TBX4: variants seen among roughly 807,000 people sequenced by gnomAD.
TBX4 encodes T-box transcription factor TBX4.
TBX4 carries 13 observed loss-of-function variants against 54.6 expected under a neutral mutation model. That is an observed-to-expected ratio of 0.24 (90% CI 0.15 to 0.38). The LOEUF (loss-of-function observed/expected upper bound fraction) is 0.38, where lower values mean the gene tolerates loss of function less well. TBX4 is among the 10% of genes least tolerant of loss of function. The pLI, the probability that TBX4 is intolerant of heterozygous loss-of-function variation, is 1.00. For synonymous variants in TBX4, 314 were observed against 306.7 expected, an observed-to-expected ratio of 1.02 and a Z score of -0.25; for missense variants, 631 against 728.5, an observed-to-expected ratio of 0.87 and a Z score of 1.54.
In TBX4 at chr17:61,465,031, A is replaced by G. The variant is rs932889141; in HGVS notation, c.282-788A>G. ...GTAATGTTATCCTCATTTTAGAGAT[A>G]AGGAAACCAAGGCACAGAGAGGTTC... is the stretch of plus-strand genomic sequence containing the variant. On this transcript the variant is annotated intron_variant, in intron 3 of 8. Transcript: ENST00000644296. The surrounding 1 kb of genome is among the most constrained non-coding windows in gnomAD (Gnocchi z 4.9). Among the ~76,000 whole-genome samples, 4 of 152,168 alleles carry G rather than the reference A, an allele frequency of 2.6e-5. No individual in the cohort carries two copies. The highest frequency in any genetic ancestry group is 7.2e-5 in the African/African-American group (3 of 41,430).
chr17:61,458,536 T>C (rs2143799385), intron 3 of TBX4, among the ~76,000 whole-genome samples: 1 of 152,112 alleles, frequency 6.6e-6, no homozygotes, highest in East Asian at 1.9e-4. Flanking sequence ...AATTGGGATT[T>C]TGAAGGAATA....
In TBX4 at chr17:61,478,546, C is replaced by A; in HGVS notation, c.550-81C>A. On this transcript the variant is annotated intron_variant, in intron 5 of 8. Transcript: ENST00000644296. The surrounding 1 kb of genome is among the most constrained non-coding windows in gnomAD (Gnocchi z 7.4). The stretch of plus-strand genomic sequence containing the variant: ...TTTGAGGAGAATGAGAAAAACCAGG[C>A]CAGGGCCAGAAGAATGAGGTCAAGG... The A allele has an allele frequency of 6.3e-7, 1 of 1,592,222 alleles. No individual in the cohort carries two copies. Among genetic ancestry groups the A allele is most frequent in the Non-Finnish European group, 8.6e-7 (1 of 1,160,782 alleles).
chr17:61,459,238 T>A lies in TBX4; in HGVS notation c.281+1607T>A, dbSNP rs933866805. Among the ~76,000 whole-genome samples the A allele has an allele frequency of 1.4e-4, 22 of 151,900 alleles. No individual in the cohort carries two copies. Among genetic ancestry groups the A allele is most frequent in the African/African-American group, 4.1e-4 (17 of 41,488 alleles). On this transcript the variant is annotated intron_variant, in intron 3 of 8. Transcript: ENST00000644296. The surrounding 1 kb of genome is among the most constrained non-coding windows in gnomAD (Gnocchi z 4.8). Reference sequence around the variant, plus strand: ...CTGAGTGTACTTGGGCAAGTCACAGTCTCCTTGTAGCTCAGTGGTGTCAGG... The same window carrying A: ...CTGAGTGTACTTGGGCAAGTCACAGACTCCTTGTAGCTCAGTGGTGTCAGG...
rs2060460713 is a variant in TBX4, at chr17:61,457,465, T to C, written c.187-72T>C. ...GTTCCGCACAGCTCTTCGGGTCTGGTTCTTCTTTCCTCAGGCTCCGCGTGG... is the reference window on the plus strand; with the variant it reads ...GTTCCGCACAGCTCTTCGGGTCTGGCTCTTCTTTCCTCAGGCTCCGCGTGG... On this transcript the variant is annotated intron_variant, in intron 2 of 8. Transcript: ENST00000644296. The surrounding 1 kb of genome is among the most constrained non-coding windows in gnomAD (Gnocchi z 8.2). 1.4e-6 allele frequency: 2 copies of C among 1,463,836 alleles called. No homozygotes were observed. The highest frequency in any genetic ancestry group is 3.4e-5 in the Admixed American group (2 of 59,696). The allele number at this position is 1,463,836 out of a possible 1,614,324, so 90.7% of individuals were successfully genotyped here.
Position 61,474,886 on chromosome 17 carries a change from G to A in TBX4, c.550-3741G>A, listed in dbSNP as rs997758141. Among the ~76,000 whole-genome samples the A allele has an allele frequency of 6.6e-6, 1 of 152,200 alleles. No homozygotes were observed. The highest frequency in any genetic ancestry group is 1.5e-5 in the Non-Finnish European group (1 of 68,036). ...AGTTTATACTTGTCTTGGCTCAATG[G>A]GTGGGACTTTCTTCCAGATACCTGT... On this transcript the variant is annotated intron_variant, in intron 5 of 8. Coordinates refer to ENST00000644296, the MANE Select transcript of TBX4 (RefSeq NM_001321120.2). The surrounding 1 kb of genome is among the most constrained non-coding windows in gnomAD (Gnocchi z 4.6).
chr17:61,458,916 TG>T (rs76157694), intron 3 of TBX4, among the ~76,000 whole-genome samples: 31,518 of 152,256 alleles, frequency 0.21, 3,802 homozygotes, highest in East Asian at 0.32. Context: ...GTGCAGCGTA[TG>T]GGGTGCTGTG....
In TBX4 at chr17:61,456,815, G is replaced by A. The variant is rs142583327; in HGVS notation, c.186+139G>A. The A allele has an allele frequency of 1.8e-3, 1,065 of 603,028 alleles. 16 individuals carry two copies. The Admixed American group carries it at 0.027, about 15-fold the overall frequency. The allele number at this position is 603,028 out of a possible 1,614,324, so 37.4% of individuals were successfully genotyped here. On this transcript the variant is annotated intron_variant, in intron 2 of 8. Transcript: ENST00000644296. ...TGCATTCAGGACGGTCTGCCCGTTCGTTCTCCACTGGACATGGCTCGCTTT... is the reference window on the plus strand; with the variant it reads ...TGCATTCAGGACGGTCTGCCCGTTCATTCTCCACTGGACATGGCTCGCTTT...
chr17:61,483,309 C>T lies in TBX4; in HGVS notation c.1434C>T (p.Leu478=), dbSNP rs2060679062. ...GNAHFSVYNQ[L]SQSQVRERGP... ...CCCACTTTAGTGTCTACAATCAGCT[C>T]TCCCAGTCTCAGGTCCGAGAGCGGG... Residue 478 remains leucine, a synonymous_variant, in exon 9 of 9, where the codon CTC becomes CTT. Coordinates refer to ENST00000644296, the MANE Select transcript of TBX4 (RefSeq NM_001321120.2). This position sits in a 1 kb window ranked among gnomAD's most constrained non-coding sequence, Gnocchi z 6.6. The T allele has an allele frequency of 1.9e-6, 3 of 1,612,038 alleles. No individual in the cohort carries two copies. Among genetic ancestry groups the T allele is most frequent in the Non-Finnish European group, 1.7e-6 (2 of 1,178,198 alleles).
At position 61,476,719 on chromosome 17, in the gene TBX4, C is replaced by T. The variant is rs1289533115; in HGVS notation, c.550-1908C>T. 6.6e-6 allele frequency among the ~76,000 whole-genome samples: 1 copy of T among 152,210 alleles called. No homozygotes were observed. Among genetic ancestry groups the T allele is most frequent in the East Asian group, 1.9e-4 (1 of 5,190 alleles). On this transcript the variant is annotated intron_variant, in intron 5 of 8. Coordinates refer to ENST00000644296, the MANE Select transcript of TBX4 (RefSeq NM_001321120.2). The surrounding 1 kb of genome is among the most constrained non-coding windows in gnomAD (Gnocchi z 6.5). The stretch of plus-strand genomic sequence containing the variant: ...TTGGGGTTTGGGAGTTATGTACTTG[C>T]CTCGTGAAGGTCTGGAGGTTTGTCA...
rs111364807 is a variant in TBX4, at chr17:61,465,783, G to A, written c.282-36G>A. On this transcript the variant is annotated intron_variant, in intron 3 of 8. Coordinates refer to ENST00000644296, the MANE Select transcript of TBX4 (RefSeq NM_001321120.2). The surrounding 1 kb of genome is among the most constrained non-coding windows in gnomAD (Gnocchi z 4.9). The stretch of plus-strand genomic sequence containing the variant: ...TCTGTTCCATCTCTCCTGGTGCTCT[G>A]TCCACACGCTCCGCCTCACCCCTCG... 2.1e-3 allele frequency: 3,361 copies of A among 1,612,976 alleles called. 59 individuals are homozygous for A. The African/African-American group carries it at 0.039, about 19-fold the overall frequency.
chr17:61,463,815 A>C (rs985327275), intron 3 of TBX4, among the ~76,000 whole-genome samples: 1 of 152,190 alleles, frequency 6.6e-6, no homozygotes, highest in Non-Finnish European at 1.5e-5. Flanking sequence ...TTTCTGTGGC[A>C]GTTACAAAAT....
rs370445458 is a variant in TBX4, at chr17:61,479,937, T to A, written c.759T>A (p.Asp253Glu). The change falls in exon 7 of 9, where the codon GAT becomes GAA. Residue 253 changes from aspartate (D) to glutamate (E), a missense_variant. By Grantham distance (45) the Asp-to-Glu change is conservative (BLOSUM62 2). Coordinates refer to ENST00000644296, the MANE Select transcript of TBX4 (RefSeq NM_001321120.2). The surrounding 1 kb of genome is among the most constrained non-coding windows in gnomAD (Gnocchi z 6.1). ...TTGCCAAGGGATTCCGGGGCAGTGATGACAGTGACCTGCGTGTGGCCCGAC... is the reference window on the plus strand; with the variant it reads ...TTGCCAAGGGATTCCGGGGCAGTGAAGACAGTGACCTGCGTGTGGCCCGAC... ...NPFAKGFRGS[D>E]DSDLRVARLQ... 1.9e-6 allele frequency: 3 copies of A among 1,614,088 alleles called. No homozygotes were observed. The highest frequency in any genetic ancestry group is 1.7e-5 in the Admixed American group (1 of 60,018).
chr17:61,469,549 A>G (rs1409543248), intron 5 of TBX4, among the ~76,000 whole-genome samples: 2 of 152,140 alleles, frequency 1.3e-5, no homozygotes, highest in South Asian at 2.1e-4. Flanking sequence ...CTTGCAGTTT[A>G]TTGGCTACAA....
chr17:61,459,345 G>A lies in TBX4; in HGVS notation c.281+1714G>A, dbSNP rs1172492514. Among the ~76,000 whole-genome samples the A allele has an allele frequency of 2.0e-5, 3 of 152,218 alleles. No individual in the cohort carries two copies. Reference sequence around the variant, plus strand: ...CAAACCAGGGAATCACGTGGATGATGGTTGGTAAATGGATAATCCACTTGA... The same window carrying A: ...CAAACCAGGGAATCACGTGGATGATAGTTGGTAAATGGATAATCCACTTGA... On this transcript the variant is annotated intron_variant, in intron 3 of 8. Transcript: ENST00000644296. The surrounding 1 kb of genome is among the most constrained non-coding windows in gnomAD (Gnocchi z 4.8).
Position 61,476,822 on chromosome 17 carries a change from C to G in TBX4, c.550-1805C>G, listed in dbSNP as rs899397249. ...GCTGGATGGAGTCACCCAGCTCAAC[C>G]GAGGAGCCCAGGGAAGGCCAGTACC... is the stretch of plus-strand genomic sequence containing the variant. On this transcript the variant is annotated intron_variant, in intron 5 of 8. Transcript: ENST00000644296. The surrounding 1 kb of genome is among the most constrained non-coding windows in gnomAD (Gnocchi z 6.5). Among the ~76,000 whole-genome samples, 1 of 152,224 alleles carries G rather than the reference C, an allele frequency of 6.6e-6. No homozygotes were observed. The highest frequency in any genetic ancestry group is 1.5e-5 in the Non-Finnish European group (1 of 68,034).
chr17:61,478,512 A>C lies in TBX4; in HGVS notation c.550-115A>C. 6.9e-7 allele frequency: 1 copy of C among 1,457,194 alleles called. No individual in the cohort carries two copies. The highest frequency in any genetic ancestry group is 9.6e-7 in the Non-Finnish European group (1 of 1,044,778). The allele number at this position is 1,457,194 out of a possible 1,614,324, so 90.3% of individuals were successfully genotyped here. ...TCCAGTCCTGGTCGGTAGGCCCCGGATCCTGGGCTTTGAGGAGAATGAGAA... is the reference window on the plus strand; with the variant it reads ...TCCAGTCCTGGTCGGTAGGCCCCGGCTCCTGGGCTTTGAGGAGAATGAGAA... On this transcript the variant is annotated intron_variant, in intron 5 of 8. Transcript: ENST00000644296. The surrounding 1 kb of genome is among the most constrained non-coding windows in gnomAD (Gnocchi z 7.4).
At position 61,457,508 on chromosome 17, in the gene TBX4, A is replaced by G. The variant is rs1244660218; in HGVS notation, c.187-29A>G. 6.2e-7 allele frequency: 1 copy of G among 1,605,764 alleles called. No homozygotes were observed. The highest frequency in any genetic ancestry group is 1.3e-5 in the African/African-American group (1 of 74,702). On this transcript the variant is annotated intron_variant, in intron 2 of 8. Coordinates refer to ENST00000644296, the MANE Select transcript of TBX4 (RefSeq NM_001321120.2). The surrounding 1 kb of genome is among the most constrained non-coding windows in gnomAD (Gnocchi z 8.2). ...CCGCGTGGAGCCCTGGGCCTGGCAG[A>G]CACAAGTTTCTCTCCCTCCCATCCC...
At chr17:61,467,841 G>A (rs866798519) in intron 5 of TBX4, among the ~76,000 whole-genome samples, 184 bp downstream of exon 5, 2 of 152,222 alleles carry the variant, frequency 1.3e-5, no homozygotes, top group African/African-American at 4.8e-5. Context: ...TTCCTTCCCG[G>A]CCACTTACTG....
chr17:61,461,617 T>C lies in TBX4; in HGVS notation c.281+3986T>C, dbSNP rs2060494916. On this transcript the variant is annotated intron_variant, in intron 3 of 8. Transcript: ENST00000644296. This position sits in a 1 kb window ranked among gnomAD's most constrained non-coding sequence, Gnocchi z 5.1. ...TAAATGTATTGAAGTGGAACATTCC[T>C]ACAGAAGAGTCCACAGGTCTTAAGG... is the stretch of plus-strand genomic sequence containing the variant. Among the ~76,000 whole-genome samples, 1 of 152,240 alleles carries C rather than the reference T, an allele frequency of 6.6e-6. No homozygotes were observed. The highest frequency in any genetic ancestry group is 2.4e-5 in the African/African-American group (1 of 41,462).
Sources: gnomAD v4.1 joint callset for allele counts (sites outside exome capture counted in the v4.1 genomes callset) on GRCh38, gnomAD v4.1.1 for gene constraint, Gnocchi (gnomAD v3.1) non-coding constraint, MANE v1.5 for transcripts, NCBI Gene and HGNC (gene_info 2026-07-23, HGNC 2026-07-21) for gene names.